The following DOCK11 variants were observed in gnomAD, a reference collection of about 807,000 sequenced individuals.
DOCK11 encodes the protein dedicator of cytokinesis protein 11.
DOCK11 carries 70 observed loss-of-function variants against 169.1 expected under a neutral mutation model. That is an observed-to-expected ratio of 0.41 (90% confidence interval 0.34 to 0.51). The LOEUF is 0.51. Ranked by LOEUF, DOCK11 falls within the 20% of genes least tolerant of loss-of-function variation. DOCK11 has a pLI of 0.10. For missense variants in DOCK11, 1,166 were observed against 1,538.8 expected (o/e 0.76, Z 4.05); for synonymous variants, 529 against 541.3 (o/e 0.98, Z 0.32).
intron 39 of DOCK11, among the ~76,000 whole-genome samples, chrX:118,643,030 T>G (rs1391667999): frequency 1.8e-5 from 2 of 112,089 alleles, no homozygotes; most frequent in Admixed American, 1.9e-4. Context: ...TTAAAGTAAA[T>G]TAGATCATAA....
At chrX:118,604,988 C>T (rs2014457043) in intron 23 of DOCK11, among the ~76,000 whole-genome samples, 1 of 111,724 alleles carries the variant, frequency 9.0e-6, no homozygotes, top group South Asian at 3.7e-4. Flanking sequence ...TTTCTAAAAA[C>T]TGTTTATCCA....
In DOCK11 at chrX:118,680,170, G is replaced by A. The variant is rs1048183668; in HGVS notation, c.5461-312G>A. On this transcript the variant is annotated intron_variant, in intron 48 of 52. Transcript: ENST00000276202. ...TCAAACCCCTGACCTCAAGTGATCC[G>A]CCCGCCTCGGCCTCTTAAAATGCTG... Among the ~76,000 whole-genome samples the A allele has an allele frequency of 2.7e-4, 30 of 109,247 alleles. 1 individual carries two copies. Among genetic ancestry groups the A allele is most frequent in the African/African-American group, 8.0e-4 (24 of 30,123 alleles). The allele number at this position is 109,247 out of a possible 115,157, so 94.9% of individuals were successfully genotyped here. A position where few individuals can be genotyped will look rare whatever the true frequency, so the allele number is the denominator to read the frequency against.
chrX:118,614,737 A>T lies in DOCK11; in HGVS notation c.3142A>T (p.Asn1048Tyr). 1 of 1,196,203 alleles carries T rather than the reference A, an allele frequency of 8.4e-7. No individual in the cohort carries two copies. The highest frequency in any genetic ancestry group is 1.1e-6 in the Non-Finnish European group (1 of 883,797). The change falls in exon 29 of 53, where the codon AAT becomes TAT. Residue 1048 changes from asparagine (N) to tyrosine (Y), a missense_variant. By Grantham distance (143) the Asn-to-Tyr change is moderately radical (BLOSUM62 -2). Coordinates refer to ENST00000276202, the MANE Select transcript of DOCK11 (RefSeq NM_144658.4). ...TAGAGGATTTATTTTCAATTTAATA[A>T]ATGACTATATATCTGGATTCAGCCC... is the stretch of plus-strand genomic sequence containing the variant. ...MDRGFIFNLI[N>Y]DYISGFSPKD...
chrX:118,639,436 G>T lies in DOCK11; in HGVS notation c.4003G>T (p.Val1335Leu), dbSNP rs1159852423. ...TCCTGACTTTAAAATTTATTTTAGG[G>T]TGCATGATGCCTGGCTGTCAAAACA... ...RYMGKRNIAR[V>L]HDAWLSKHFG... Residue 1335 changes from valine (V) to leucine (L), a missense_variant and splice_region_variant, in exon 38 of 53, where the codon GTG becomes TTG. Physicochemically the swap from Val to Leu is conservative, Grantham distance 32. Transcript: ENST00000276202. The T allele has an allele frequency of 8.3e-7, 1 of 1,209,153 alleles. No individual in the cohort carries two copies. Among genetic ancestry groups the T allele is most frequent in the Non-Finnish European group, 1.1e-6 (1 of 894,103 alleles).
chrX:118,568,934 C>G (rs928521523), intron 10 of DOCK11, among the ~76,000 whole-genome samples: 1 of 110,432 alleles, frequency 9.1e-6, no homozygotes, highest in Non-Finnish European at 1.9e-5. Flanking sequence ...CATGAGATTT[C>G]GAATGAAAAT....
At chrX:118,677,665 A>T (rs1004317590) in intron 48 of DOCK11, among the ~76,000 whole-genome samples, 4 of 112,783 alleles carry the variant, frequency 3.5e-5, no homozygotes, top group Non-Finnish European at 7.5e-5. Flanking sequence ...GTATACTTAC[A>T]TATATCTCTT....
In DOCK11 at chrX:118,519,286, G is replaced by A. The variant is rs1462919952; in HGVS notation, c.102+23213G>A. ...AGGTCAGCTGGGCACGGTGGCTCAC[G>A]CCTGTAATCCCAGCACTTTTGGAGG... is the stretch of plus-strand genomic sequence containing the variant. On this transcript the variant is annotated intron_variant, in intron 1 of 52. Transcript: ENST00000276202. Among the ~76,000 whole-genome samples the A allele has an allele frequency of 1.1e-4, 12 of 112,198 alleles. No individual in the cohort carries two copies. In the East Asian group the frequency reaches 2.8e-3, roughly 26 times the overall value.
intron 10 of DOCK11, 101 bp downstream of exon 10, chrX:118,568,263 G>C: frequency 4.3e-6 from 2 of 463,479 alleles, no homozygotes; most frequent in Non-Finnish European, 6.7e-6. Context: ...GCACCAGTGG[G>C]GAATATAGAT....
At chrX:118,497,786 C>T (rs1603012594) in intron 1 of DOCK11, among the ~76,000 whole-genome samples, 1 of 112,455 alleles carries the variant, frequency 8.9e-6, no homozygotes, top group East Asian at 2.8e-4. Flanking sequence ...TACCACAACA[C>T]GTGAAGAAAG....
chrX:118,505,175 C>T (rs992690914), intron 1 of DOCK11, among the ~76,000 whole-genome samples: 7 of 111,458 alleles, frequency 6.3e-5, no homozygotes, highest in Admixed American at 1.9e-4. Context: ...AGGTGTGCAC[C>T]ACCATTGCCC....
chrX:118,664,767 G>T (rs1018224962), intron 45 of DOCK11, among the ~76,000 whole-genome samples: 1 of 111,660 alleles, frequency 9.0e-6, no homozygotes, highest in East Asian at 2.8e-4. Context: ...ACATAATAAC[G>T]GCAAGTGAAG....
intron 39 of DOCK11, among the ~76,000 whole-genome samples, chrX:118,642,526 T>C (rs1293574398): frequency 8.9e-6 from 1 of 111,927 alleles, no homozygotes; most frequent in Non-Finnish European, 1.9e-5. Flanking sequence ...AATAGCCTTA[T>C]GATGTAGATA....
chrX:118,643,698 G>A, intron 40 of DOCK11, 104 bp downstream of exon 40: 2 of 943,845 alleles, frequency 2.1e-6, no homozygotes, highest in African/African-American at 2.0e-5. Context: ...GCCAGCTCAT[G>A]AAGCCATTAA....
intron 40 of DOCK11, 121 bp downstream of exon 40, chrX:118,643,715 C>A: frequency 1.3e-6 from 1 of 791,363 alleles, no homozygotes; most frequent in Non-Finnish European, 1.8e-6. Context: ...TTAAGTACTG[C>A]CTTTGTAAAT....
intron 6 of DOCK11, among the ~76,000 whole-genome samples, chrX:118,552,398 G>A (rs1333446596): frequency 8.9e-6 from 1 of 111,888 alleles, no homozygotes; most frequent in Non-Finnish European, 1.9e-5. Flanking sequence ...AGAGGGGCTA[G>A]TAGAGGAACT....
chrX:118,500,934 C>T lies in DOCK11; in HGVS notation c.102+4861C>T, dbSNP rs752443796. Among the ~76,000 whole-genome samples, 23 of 111,304 alleles carry T rather than the reference C, an allele frequency of 2.1e-4. 1 individual carries two copies. The South Asian group carries it at 8.6e-3, about 42-fold the overall frequency. On this transcript the variant is annotated intron_variant, in intron 1 of 52. Transcript: ENST00000276202. ...CTGGGATTACAGGCATGAGCCACTT[C>T]GCCTGGCCACACAAACTTTTAAATA...
At chrX:118,544,790 A>C in intron 4 of DOCK11, among the ~76,000 whole-genome samples, 1 of 101,120 alleles carries the variant, frequency 9.9e-6, no homozygotes, top group Non-Finnish European at 2.0e-5. Flanking sequence ...CCTCCTGAGT[A>C]GCTGGGCTTA....
At chrX:118,567,518 C>T (rs1274374298) in intron 9 of DOCK11, among the ~76,000 whole-genome samples, 1 of 108,279 alleles carries the variant, frequency 9.2e-6, no homozygotes, top group African/African-American at 3.4e-5. Context: ...CTGCAACCTC[C>T]GTTGCCGAGG....
chrX:118,619,480 C>CA (rs1162244580), intron 31 of DOCK11, among the ~76,000 whole-genome samples: 930 of 51,300 alleles, frequency 0.018, 9 homozygotes, highest in African/African-American at 0.041. Context: ...AACTCTGTCT[C>CA]AAAAAAAAAA....
Sources: allele counts gnomAD v4.1 joint callset (sites outside exome capture counted in the v4.1 genomes callset), GRCh38; gene constraint gnomAD v4.1.1; transcripts MANE v1.5; gene names NCBI Gene and HGNC (gene_info 2026-07-23, HGNC 2026-07-21).